KIAA1328: variants seen among roughly 807,000 people sequenced by gnomAD.
KIAA1328 encodes protein hinderin.
A neutral mutation model predicts 68.1 loss-of-function variants in KIAA1328; 52 were observed. That is an observed-to-expected ratio of 0.76 (90% CI 0.61 to 0.96). KIAA1328 has a LOEUF of 0.96. KIAA1328 is among the 40% of genes least tolerant of loss of function. KIAA1328 has a pLI of 0.00. For missense variants in KIAA1328, 641 were observed against 677.6 expected (o/e 0.95, Z 0.60); for synonymous variants, 232 against 239.4 (o/e 0.97, Z 0.28).
At chr18:37,009,910 A>G (rs566774896) in intron 6 of KIAA1328, among the ~76,000 whole-genome samples, 1 of 152,276 alleles carries the variant, frequency 6.6e-6, no homozygotes, top group South Asian at 2.1e-4. Flanking sequence ...TCCCATACAT[A>G]GTTCGTAATT....
chr18:37,180,254 A>T (rs1438280483), intron 9 of KIAA1328, among the ~76,000 whole-genome samples: 1 of 152,212 alleles, frequency 6.6e-6, no homozygotes, highest in African/African-American at 2.4e-5. Context: ...AGGTGAGGTA[A>T]GTAGTAGTAT....
In KIAA1328 at chr18:37,067,144, A is replaced by G. The variant is rs561248590; in HGVS notation, c.831A>G (p.Lys277=). The change falls in exon 7 of 10, where the codon AAA becomes AAG. Residue 277 remains lysine, a synonymous_variant. Transcript: ENST00000280020. ...TTCNCESPGR[K]PAVPTEKMPQ... ...GTAATTGTGAATCTCCAGGGAGAAA[A>G]CCTGCAGTCCCAACAGAGAAAATGC... 22 of 1,613,904 alleles carry G rather than the reference A, an allele frequency of 1.4e-5. No homozygotes were observed. The South Asian group carries it at 2.4e-4, about 18-fold the overall frequency.
chr18:37,143,758 C>G (rs1341405675), intron 7 of KIAA1328, among the ~76,000 whole-genome samples: 1 of 151,822 alleles, frequency 6.6e-6, no homozygotes, highest in South Asian at 2.1e-4. Flanking sequence ...TTATCAAATG[C>G]TTTTTCGGCA....
In KIAA1328 at chr18:37,222,986, T is replaced by C. The variant is rs1379018915; in HGVS notation, c.*759T>C. The stretch of plus-strand genomic sequence containing the variant: ...TGTTTGGGTGACCACCCCTCCAATA[T>C]CCCAGAATGAATAAGAACAATCCCT... On this transcript the variant is annotated 3_prime_UTR_variant, in exon 10 of 10. Coordinates refer to ENST00000280020, the MANE Select transcript of KIAA1328 (RefSeq NM_020776.3). The C allele has an allele frequency of 3.0e-6, 3 of 985,022 alleles. No individual in the cohort carries two copies. In the African/African-American group the frequency reaches 5.3e-5, roughly 17 times the overall value. 61.0% of individuals were successfully genotyped at this position (985,022 alleles called of 1,614,324 possible).
At chr18:37,179,882 G>A (rs1046942683) in intron 9 of KIAA1328, among the ~76,000 whole-genome samples, 2 of 151,938 alleles carry the variant, frequency 1.3e-5, no homozygotes, top group East Asian at 1.9e-4. Flanking sequence ...ATAAACCAAG[G>A]CTTTAGCCCA....
At chr18:36,938,527 A>G (rs1227460854) in intron 5 of KIAA1328, among the ~76,000 whole-genome samples, 1 of 152,026 alleles carries the variant, frequency 6.6e-6, no homozygotes, top group Non-Finnish European at 1.5e-5. Flanking sequence ...GTTTACAACT[A>G]TTTTCTCCCA....
intron 9 of KIAA1328, among the ~76,000 whole-genome samples, chr18:37,208,131 A>T (rs996415298): frequency 6.6e-6 from 1 of 152,078 alleles, no homozygotes; most frequent in Non-Finnish European, 1.5e-5. Context: ...TTTAAAATTT[A>T]AATTTAAAGG....
At chr18:37,025,924 T>A (rs1599009898) in intron 6 of KIAA1328, among the ~76,000 whole-genome samples, 1 of 152,054 alleles carries the variant, frequency 6.6e-6, no homozygotes, top group African/African-American at 2.4e-5. Flanking sequence ...AAAAAATCAA[T>A]GAATCCAGGA....
At chr18:37,142,922 T>G (rs969774770) in intron 7 of KIAA1328, among the ~76,000 whole-genome samples, 1 of 151,878 alleles carries the variant, frequency 6.6e-6, no homozygotes, top group African/African-American at 2.4e-5. Context: ...TGAAAATAGT[T>G]TATTTCTGGA....
chr18:37,107,740 A>T (rs1244634481), intron 7 of KIAA1328, among the ~76,000 whole-genome samples: 1 of 152,218 alleles, frequency 6.6e-6, no homozygotes, highest in African/African-American at 2.4e-5. Context: ...AAAGCTGCTC[A>T]TCAATTCTAG....
At chr18:37,189,541 A>G (rs2059865563) in intron 9 of KIAA1328, among the ~76,000 whole-genome samples, 1 of 152,228 alleles carries the variant, frequency 6.6e-6, no homozygotes, top group South Asian at 2.1e-4. Context: ...AGCCTTTGCA[A>G]AAATTATGAA....
rs374415701 is a variant in KIAA1328, at chr18:36,894,767, C to T, written c.448+9095C>T. Among the ~76,000 whole-genome samples the T allele has an allele frequency of 2.1e-3, 322 of 152,244 alleles. 6 individuals carry two copies. In the Middle Eastern group the frequency reaches 0.048, roughly 23 times the overall value. ...CCCGAACTTCTGGGCTCAAGCGATC[C>T]TCTCACCTAGGTGTCCTAAAGTACT... On this transcript the variant is annotated intron_variant, in intron 5 of 9. Coordinates refer to ENST00000280020, the MANE Select transcript of KIAA1328 (RefSeq NM_020776.3).
At chr18:36,933,845 C>T (rs2050402765) in intron 5 of KIAA1328, among the ~76,000 whole-genome samples, 1 of 152,238 alleles carries the variant, frequency 6.6e-6, no homozygotes, top group Admixed American at 6.5e-5. Flanking sequence ...AACAGATGAA[C>T]CCCAATCCAG....
chr18:37,127,465 T>C (rs547487561), intron 7 of KIAA1328, among the ~76,000 whole-genome samples: 2 of 152,178 alleles, frequency 1.3e-5, no homozygotes, highest in South Asian at 4.2e-4. Context: ...TCCCATCACT[T>C]TGGGAGATGG....
chr18:36,935,399 T>C lies in KIAA1328; in HGVS notation c.449-23909T>C, dbSNP rs139977253. On this transcript the variant is annotated intron_variant, in intron 5 of 9. Transcript: ENST00000280020. ...CCTTTGGTATAAGCCTTTCAGCTTA[T>C]GTCTTAAGTAACAAGGGCATTTTCC... Among the ~76,000 whole-genome samples, 698 of 152,372 alleles carry C rather than the reference T, an allele frequency of 4.6e-3. 6 individuals are homozygous for C. Among genetic ancestry groups the C allele is most frequent in the South Asian group, 0.031 (149 of 4,828 alleles).
intron 1 of KIAA1328, 78 bp from the exon 2 acceptor site, chr18:36,834,242 T>C (rs1941904326): frequency 7.7e-7 from 1 of 1,296,088 alleles, no homozygotes; most frequent in South Asian, 2.8e-5. Context: ...TTATGAATTA[T>C]AAGAGGTATA....
At chr18:36,843,307 G>A (rs1045400773) in intron 3 of KIAA1328, among the ~76,000 whole-genome samples, 4 of 151,840 alleles carry the variant, frequency 2.6e-5, no homozygotes, top group Non-Finnish European at 5.9e-5. Context: ...CCCACCTTCG[G>A]CTATTACTAT....
At position 36,979,298 on chromosome 18, in the gene KIAA1328, T is replaced by C. The variant is rs943610310; in HGVS notation, c.576+19863T>C. Among the ~76,000 whole-genome samples, 87 of 152,220 alleles carry C rather than the reference T, an allele frequency of 5.7e-4. 2 individuals are homozygous for C. Among genetic ancestry groups the C allele is most frequent in the Non-Finnish European group, 2.6e-4 (18 of 68,030 alleles). On this transcript the variant is annotated intron_variant, in intron 6 of 9. Transcript: ENST00000280020. Reference sequence around the variant, plus strand: ...CTCCAGTACCTCAGAGAAGGTTTTATGTTTATTATAGATATAAACTGTGAT... The same window carrying C: ...CTCCAGTACCTCAGAGAAGGTTTTACGTTTATTATAGATATAAACTGTGAT...
downstream of KIAA1328, among the ~76,000 whole-genome samples, chr18:37,228,874 T>A (rs1172958251): frequency 6.6e-6 from 1 of 152,100 alleles, no homozygotes; most frequent in East Asian, 1.9e-4. Flanking sequence ...CAGATGATCC[T>A]TAGCAATAAA....
Sources: allele counts gnomAD v4.1 joint callset (sites outside exome capture counted in the v4.1 genomes callset), GRCh38; gene constraint gnomAD v4.1.1; transcripts MANE v1.5; gene names NCBI Gene and HGNC (gene_info 2026-07-23, HGNC 2026-07-21).